KIAA1549: variants seen among roughly 807,000 people sequenced by gnomAD.
KIAA1549 encodes KIAA1549.
In KIAA1549, 70 loss-of-function variants were observed where a neutral mutation model predicts 156.4. The ratio of observed to expected loss-of-function variants is 0.45; its 90% CI spans 0.37 to 0.55. The LOEUF (loss-of-function observed/expected upper bound fraction) is 0.55, where lower values mean the gene tolerates loss of function less well. Among genes scored for constraint, KIAA1549 ranks in the 20% least tolerant of loss-of-function variants. The pLI is 0.00. For synonymous variants in KIAA1549, 1,103 were observed against 1,066.4 expected, an observed-to-expected ratio of 1.03 and a Z score of -0.67; for missense variants, 2,428 against 2,540.9, an observed-to-expected ratio of 0.96 and a Z score of 0.96.
intron 10 of KIAA1549, among the ~76,000 whole-genome samples, chr7:138,890,371 T>A (rs1490639473): frequency 6.6e-6 from 1 of 152,224 alleles, no homozygotes; most frequent in Non-Finnish European, 1.5e-5. Flanking sequence ...GAACAAAAAT[T>A]TGCCATCATG....
chr7:138,965,070 C>T (rs1813978026), intron 1 of KIAA1549, among the ~76,000 whole-genome samples: 1 of 151,688 alleles, frequency 6.6e-6, no homozygotes, highest in South Asian at 2.1e-4. Flanking sequence ...AAGCGATCCT[C>T]CCTCTTCAGC....
chr7:138,917,271 T>C lies in KIAA1549; in HGVS notation c.2355A>G (p.Gln785=), dbSNP rs1812359396. 1.9e-6 allele frequency: 3 copies of C among 1,613,872 alleles called. No individual in the cohort carries two copies. The highest frequency in any genetic ancestry group is 2.2e-5 in the East Asian group (1 of 44,882). The change falls in exon 2 of 20, where the codon CAA becomes CAG. Residue 785 remains glutamine (Q), a synonymous_variant. Transcript: ENST00000422774. Reference sequence around the variant, plus strand: ...GGACAGTGGTCAATGGTGATGTTGCTTGAATCCCGGCAGTCAAAATGTCAA... The same window carrying C: ...GGACAGTGGTCAATGGTGATGTTGCCTGAATCCCGGCAGTCAAAATGTCAA... ...ESFDILTAGI[Q]ATSPLTTVHT...
At chr7:138,919,726 A>T (rs1230369540) in intron 1 of KIAA1549, among the ~76,000 whole-genome samples, 1 of 152,082 alleles carries the variant, frequency 6.6e-6, no homozygotes, top group Non-Finnish European at 1.5e-5. Flanking sequence ...ACCGTAGGAT[A>T]CTGGAAACAG....
At chr7:138,978,600 T>C (rs1584798042) in intron 1 of KIAA1549, among the ~76,000 whole-genome samples, 1 of 152,218 alleles carries the variant, frequency 6.6e-6, no homozygotes, top group Admixed American at 6.5e-5. Flanking sequence ...AGGTGGACTC[T>C]ATTGAACAAA....
rs112533719 is a variant in KIAA1549, at chr7:138,943,604, C to A, written c.188-24166G>T. On this transcript the variant is annotated intron_variant, in intron 1 of 19. Transcript: ENST00000422774. Reference sequence around the variant, plus strand: ...GTGGCTCACGCCTGTAATCCCAGCACTTTGGGAGGCCAAGGCGGGTGGATC... The same window carrying A: ...GTGGCTCACGCCTGTAATCCCAGCAATTTGGGAGGCCAAGGCGGGTGGATC... 2.3e-4 allele frequency among the ~76,000 whole-genome samples: 35 copies of A among 152,280 alleles called. 1 individual carries two copies. The South Asian group carries it at 6.0e-3, about 26-fold the overall frequency.
At position 138,837,868 on chromosome 7, in the gene KIAA1549, G is replaced by T; in HGVS notation, c.*38C>A. 1 of 1,600,026 alleles carries T rather than the reference G, an allele frequency of 6.2e-7. No homozygotes were observed. Among genetic ancestry groups the T allele is most frequent in the South Asian group, 1.1e-5 (1 of 88,280 alleles). On this transcript the variant is annotated 3_prime_UTR_variant, in exon 20 of 20. Transcript: ENST00000422774. Reference sequence around the variant, plus strand: ...ATTTCCTTTTGGTCTTGCTTCCACAGGAAGCGGATACTTGGCAAATCTGCG... The same window carrying T: ...ATTTCCTTTTGGTCTTGCTTCCACATGAAGCGGATACTTGGCAAATCTGCG...
Position 138,881,535 on chromosome 7 carries a change from C to T in KIAA1549, c.4082G>A (p.Gly1361Asp), listed in dbSNP as rs753997503. The T allele has an allele frequency of 6.2e-7, 1 of 1,613,930 alleles. No individual in the cohort carries two copies. The highest frequency in any genetic ancestry group is 8.5e-7 in the Non-Finnish European group (1 of 1,179,874). Residue 1361 changes from glycine to aspartate, a missense_variant, in exon 11 of 20, where the codon GGT becomes GAT. Around this residue, in one of 5 missense-constraint regions of KIAA1549, gnomAD observed 762 missense variants for 901.6 expected, o/e 0.85. Coordinates refer to ENST00000422774, the MANE Select transcript of KIAA1549 (RefSeq NM_001164665.2). ...KGFDFAKQHL[G>D]QHNKDDILII... ...CAATATGTCGTCTTTATTGTGCTGA[C>T]CCAGATGCTGCTTAGCAAAATCGAA...
Position 138,905,052 on chromosome 7 carries a change from G to T in KIAA1549, c.3490C>A (p.Gln1164Lys). The T allele has an allele frequency of 6.3e-7, 1 of 1,576,944 alleles. No homozygotes were observed. Among genetic ancestry groups the T allele is most frequent in the Non-Finnish European group, 8.6e-7 (1 of 1,159,866 alleles). ...CTGACCCAAGAGGACTTCAGCAACT[G>T]AGATAAGTTGAGCTGTGGATACTGG... ...PFQYPQLNLS[Q>K]LLKSSWVRTV... Residue 1164 changes from glutamine (Q) to lysine (K), a missense_variant, in exon 7 of 20, where the codon CAG (glutamine) becomes AAG (lysine). By Grantham distance (53) the Gln-to-Lys change is moderately conservative (BLOSUM62 1). Around this residue, in one of 5 missense-constraint regions of KIAA1549, gnomAD observed 762 missense variants for 901.6 expected, o/e 0.85. Transcript: ENST00000422774.
At chr7:138,942,333 T>C (rs557128823) in intron 1 of KIAA1549, among the ~76,000 whole-genome samples, 1 of 152,036 alleles carries the variant, frequency 6.6e-6, no homozygotes, top group South Asian at 2.1e-4. Flanking sequence ...GCTCACTGCA[T>C]TTCAACACAG....
chr7:138,847,302 C>G (rs1251866322), intron 17 of KIAA1549, among the ~76,000 whole-genome samples: 2 of 152,170 alleles, frequency 1.3e-5, no homozygotes, highest in Non-Finnish European at 2.9e-5. Flanking sequence ...GTCATGGTCC[C>G]CCATCTCTAA....
Position 138,837,683 on chromosome 7 carries a change from A to G in KIAA1549, c.*223T>C. 1 of 574,440 alleles carries G rather than the reference A, an allele frequency of 1.7e-6. No homozygotes were observed. Among genetic ancestry groups the G allele is most frequent in the Non-Finnish European group, 3.0e-6 (1 of 328,922 alleles). The allele number at this position is 574,440 out of a possible 1,614,324, so 35.6% of individuals were successfully genotyped here. A position where few individuals can be genotyped will look rare whatever the true frequency, so the allele number is the denominator to read the frequency against. On this transcript the variant is annotated 3_prime_UTR_variant, in exon 20 of 20. Transcript: ENST00000422774. The stretch of plus-strand genomic sequence containing the variant: ...CTGCTGGCTTTTGGCCAAAATACAT[A>G]TATTTCAACTGAACCCAAGTGTTCA...
chr7:138,864,708 G>A (rs1480495913), intron 15 of KIAA1549, among the ~76,000 whole-genome samples: 1 of 152,172 alleles, frequency 6.6e-6, no homozygotes, highest in Non-Finnish European at 1.5e-5. Context: ...GACAACCTCA[G>A]TTTATGCCTG....
chr7:138,965,024 G>A (rs1296486649), intron 1 of KIAA1549, among the ~76,000 whole-genome samples: 9 of 150,994 alleles, frequency 6.0e-5, no homozygotes, highest in South Asian at 2.1e-4. Flanking sequence ...GCCGTGGTGC[G>A]ATCTCGGCTC....
intron 1 of KIAA1549, among the ~76,000 whole-genome samples, chr7:138,946,623 ACAAAAATT>A (rs1813345426): frequency 6.6e-6 from 1 of 152,150 alleles, no homozygotes; most frequent in Non-Finnish European, 1.5e-5. Flanking sequence ...TACCAAAAAT[ACAAAAATT>A]AGCCTGGTGA....
intron 1 of KIAA1549, among the ~76,000 whole-genome samples, chr7:138,959,210 T>C (rs1195898682): frequency 6.6e-6 from 1 of 152,166 alleles, no homozygotes; most frequent in Non-Finnish European, 1.5e-5. Context: ...CAAATGACCT[T>C]AATATAACTC....
In KIAA1549 at chr7:138,837,954, G is replaced by A. The variant is rs1377299405; in HGVS notation, c.5805C>T (p.Leu1935=). ...ASLIKAIREE[L]LRLSQKQSTV... is the part of the protein sequence containing the mutation. ...TGCTCTGTTTCTGGGAGAGCCGGAG[G>A]AGCTCCTCGCGGATTGCTTTGATGA... is the stretch of plus-strand genomic sequence containing the variant. The change falls in exon 20 of 20, where the codon CTC becomes CTT. Residue 1935 remains leucine, a synonymous_variant. Coordinates refer to ENST00000422774, the MANE Select transcript of KIAA1549 (RefSeq NM_001164665.2). 2 of 1,613,812 alleles carry A rather than the reference G, an allele frequency of 1.2e-6. No homozygotes were observed. Among genetic ancestry groups the A allele is most frequent in the Non-Finnish European group, 1.7e-6 (2 of 1,179,902 alleles).
chr7:138,956,131 C>T (rs973246458), intron 1 of KIAA1549, among the ~76,000 whole-genome samples: 1 of 152,098 alleles, frequency 6.6e-6, no homozygotes, highest in South Asian at 2.1e-4. Flanking sequence ...CGACCTCAAG[C>T]GACACGCCCA....
At chr7:138,850,999 G>A (rs1320428002) in intron 17 of KIAA1549, among the ~76,000 whole-genome samples, 1 of 152,048 alleles carries the variant, frequency 6.6e-6, no homozygotes, top group Non-Finnish European at 1.5e-5. Context: ...TGAGTCCAGG[G>A]TTCTATATAT....
intron 9 of KIAA1549, among the ~76,000 whole-genome samples, chr7:138,897,073 C>T (rs1811703384): frequency 6.6e-6 from 1 of 152,166 alleles, no homozygotes; most frequent in Non-Finnish European, 1.5e-5. Context: ...CGGTACAAAA[C>T]TGAGGAAAAG....
Sources: gnomAD v4.1 joint callset for allele counts (sites outside exome capture counted in the v4.1 genomes callset) on GRCh38, gnomAD v4.1.1 for gene constraint, gnomAD v4.1.1 regional missense constraint, MANE v1.5 for transcripts, NCBI Gene and HGNC (gene_info 2026-07-23, HGNC 2026-07-21) for gene names.